The following SH2D6 variants were observed in gnomAD, a reference collection of about 807,000 sequenced individuals.
The protein encoded by SH2D6 is SH2 domain-containing protein 6.
SH2D6 carries 31 observed loss-of-function variants against 30.2 expected under a neutral mutation model. That is an observed-to-expected ratio of 1.03 (90% CI 0.77 to 1.38). The LOEUF is 1.38. Ranked by LOEUF, SH2D6 falls within the 40% of genes most tolerant of loss-of-function variation. The pLI is 0.00. For missense variants in SH2D6, 240 were observed against 266.8 expected (o/e 0.90, Z 0.70); for synonymous variants, 93 against 104.6 (o/e 0.89, Z 0.68).
chr2:85,433,014 ACT>A, intron 14 of SH2D6, 83 bp from the exon 15 acceptor site: 3 of 979,334 alleles, frequency 3.1e-6, no homozygotes, highest in African/African-American at 1.8e-5. Flanking sequence ...CCCTAAGGAG[ACT>A]CTGCTTTTTC....
At position 85,428,637 on chromosome 2, in the gene SH2D6, G is replaced by A. The variant is rs1482157812; in HGVS notation, c.-155G>A. On this transcript the variant is annotated 5_prime_UTR_variant, in exon 7 of 24. Transcript: ENST00000469800. ...AGCAGCCGTTTACAAGCCAAGAAGA[G>A]AGGCCGCATCACAAACCAACCTTTA... The A allele has an allele frequency of 6.6e-6, 1 of 152,188 alleles. No homozygotes were observed. The highest frequency in any genetic ancestry group is 1.5e-5 in the Non-Finnish European group (1 of 68,028). 9.4% of individuals were successfully genotyped at this position (152,188 alleles called of 1,614,324 possible). A position where few individuals can be genotyped will look rare whatever the true frequency, so the allele number is the denominator to read the frequency against.
rs1558765768 is a variant in SH2D6 at position 85,435,049 on chromosome 2, A to C, written c.590-16A>C. ...CCACCCCACCCCACCCCAGCTCAAT[A>C]ATCTGCTTCTTCTAGAAGGAAGGAA... On this transcript the variant is annotated splice_polypyrimidine_tract_variant and intron_variant, in intron 19 of 23. Transcript: ENST00000469800. 1 of 1,441,436 alleles carries C rather than the reference A, an allele frequency of 6.9e-7. No homozygotes were observed. The allele number at this position is 1,441,436 out of a possible 1,614,324, so 89.3% of individuals were successfully genotyped here.
rs1468383008 is a variant in SH2D6, at chr2:85,430,998, A to G, written c.251-212A>G. Among the ~76,000 whole-genome samples, 1 of 151,034 alleles carries G rather than the reference A, an allele frequency of 6.6e-6. No individual in the cohort carries two copies. Among genetic ancestry groups the G allele is most frequent in the Non-Finnish European group, 1.5e-5 (1 of 67,412 alleles). The stretch of plus-strand genomic sequence containing the variant: ...TGGGAGAGCCCCGGCTGCCGCTGGC[A>G]TCCCACCCCCACTGCTCAGCTCCTC... On this transcript the variant is annotated intron_variant, in intron 12 of 23. Coordinates refer to ENST00000469800, the MANE Select transcript of SH2D6 (RefSeq NM_001394463.1). The surrounding 1 kb of genome is among the most constrained non-coding windows in gnomAD (Gnocchi z 4.3).
chr2:85,433,994 G>A, intron 16 of SH2D6, 39 bp from the exon 17 acceptor site: 1 of 1,514,418 alleles, frequency 6.6e-7, no homozygotes, highest in Non-Finnish European at 9.0e-7. Context: ...TTCCCTGCCT[G>A]GTGCTCAGCC....
At chr2:85,423,128 T>C (rs1687803832) in intron 5 of SH2D6, among the ~76,000 whole-genome samples, 1 of 152,216 alleles carries the variant, frequency 6.6e-6, no homozygotes, top group Admixed American at 6.5e-5. Context: ...CCTCAGGTAA[T>C]CCGCCTGCCT....
chr2:85,423,392 C>T (rs1687822491), intron 5 of SH2D6, among the ~76,000 whole-genome samples: 3 of 151,682 alleles, frequency 2.0e-5, no homozygotes, highest in African/African-American at 7.3e-5. Context: ...CTATCACACC[C>T]GGTTAATTTT....
chr2:85,429,744 G>A lies in SH2D6; in HGVS notation c.29+132G>A, dbSNP rs149952148. ...CTCTCTGCCCAGGGAGACCATTCAC[G>A]CGCCTCCACTTCCTGTCAGCACTAG... On this transcript the variant is annotated intron_variant, in intron 9 of 23. Transcript: ENST00000469800. The A allele has an allele frequency of 3.0e-3, 463 of 152,796 alleles. 5 individuals are homozygous for A. Among genetic ancestry groups the A allele is most frequent in the Non-Finnish European group, 4.2e-3 (287 of 68,216 alleles). The allele number at this position is 152,796 out of a possible 1,614,324, so 9.5% of individuals were successfully genotyped here.
chr2:85,425,267 T>G (rs201194357), intron 5 of SH2D6, 41 bp from the exon 6 acceptor site: 1 of 147,040 alleles, frequency 6.8e-6, no homozygotes, highest in Non-Finnish European at 1.5e-5. Context: ...CTTTTTTTTT[T>G]TTTTTTTTTT....
rs1329643960 is a variant in SH2D6, at chr2:85,418,920, C to T, written c.-803C>T. 2 of 152,438 alleles carry T rather than the reference C, an allele frequency of 1.3e-5. No homozygotes were observed. The highest frequency in any genetic ancestry group is 1.3e-4 in the Admixed American group (2 of 15,290). 9.4% of individuals were successfully genotyped at this position (152,438 alleles called of 1,614,324 possible). A position where few individuals can be genotyped will look rare whatever the true frequency, so the allele number is the denominator to read the frequency against. ...CTGCGAACCTGAGCCCCGCCCTGCCCTCCCTACGAGGTTGGGGCCGTGGGA... is the reference window on the plus strand; with the variant it reads ...CTGCGAACCTGAGCCCCGCCCTGCCTTCCCTACGAGGTTGGGGCCGTGGGA... On this transcript the variant is annotated 5_prime_UTR_variant, in exon 1 of 24. Coordinates refer to ENST00000469800, the MANE Select transcript of SH2D6 (RefSeq NM_001394463.1).
intron 19 of SH2D6, 197 bp downstream of exon 19, chr2:85,434,694 A>T: frequency 1.5e-6 from 2 of 1,362,330 alleles, no homozygotes; most frequent in Non-Finnish European, 1.9e-6. Context: ...GGCCTGCCCC[A>T]GCCCCAGCCC....
rs772927017 is a variant in SH2D6, at chr2:85,435,690, A to C, written c.757A>C (p.Ser253Arg). 3 of 1,611,914 alleles carry C rather than the reference A, an allele frequency of 1.9e-6. No individual in the cohort carries two copies. Among genetic ancestry groups the C allele is most frequent in the Non-Finnish European group, 1.7e-6 (2 of 1,179,084 alleles). The change falls in exon 22 of 24, where the codon AGC becomes CGC. Residue 253 changes from serine to arginine, a missense_variant. Coordinates refer to ENST00000469800, the MANE Select transcript of SH2D6 (RefSeq NM_001394463.1). Reference protein sequence around the residue: ...QKDGAYTVRPSSGPHGSQPFT... With the variant: ...QKDGAYTVRPRSGPHGSQPFT... ...GGATGGGGCCTATACCGTGCGCCCC[A>C]GCTCAGGGCCTCATGGCTCCCAGCC...
intron 2 of SH2D6, among the ~76,000 whole-genome samples, chr2:85,420,026 G>A (rs1307709290): frequency 6.6e-6 from 1 of 152,124 alleles, no homozygotes; most frequent in East Asian, 1.9e-4. Context: ...GGAGAGATAG[G>A]TACCATAGAA....
At chr2:85,419,468 C>T (rs762532724) in intron 2 of SH2D6, among the ~76,000 whole-genome samples, 2 of 152,210 alleles carry the variant, frequency 1.3e-5, no homozygotes, top group African/African-American at 2.4e-5. Flanking sequence ...ATGAGCTGTG[C>T]TGAGGCCCTA....
chr2:85,434,733 T>G (rs1434638513), intron 19 of SH2D6: 1 of 1,438,218 alleles, frequency 7.0e-7, no homozygotes, highest in Non-Finnish European at 9.1e-7. Flanking sequence ...AGGCCCCAAG[T>G]TACTGAGGAT....
chr2:85,433,140 T>C lies in SH2D6; in HGVS notation c.393+19T>C. The C allele has an allele frequency of 1.0e-6, 1 of 985,802 alleles. No individual in the cohort carries two copies. The highest frequency in any genetic ancestry group is 4.7e-5 in the South Asian group (1 of 21,284). The allele number at this position is 985,802 out of a possible 1,614,324, so 61.1% of individuals were successfully genotyped here. ...CAGAGTGGTGAGCAGCCCCTCCATTTCCACCTCAGTTTCCAGGCTTCTGGT... is the reference window on the plus strand; with the variant it reads ...CAGAGTGGTGAGCAGCCCCTCCATTCCCACCTCAGTTTCCAGGCTTCTGGT... On this transcript the variant is annotated intron_variant, in intron 15 of 23. Transcript: ENST00000469800.
At chr2:85,436,667 C>A in intron 23 of SH2D6, 73 bp downstream of exon 23, 1 of 1,030,616 alleles carries the variant, frequency 9.7e-7, no homozygotes, top group Non-Finnish European at 1.5e-6. Flanking sequence ...TCTCCTTCCC[C>A]ACCCCTCCTC....
At chr2:85,428,973 A>C in intron 7 of SH2D6, among the ~76,000 whole-genome samples, 1 of 152,246 alleles carries the variant, frequency 6.6e-6, no homozygotes, top group East Asian at 1.9e-4. Context: ...CCATCAAAAA[A>C]TGAAGCTGCC....
rs1328320096 is a variant in SH2D6, at chr2:85,435,749, C to A, written c.816C>A (p.Val272=). The part of the protein sequence containing the change: ...FTLAVLLRGR[V]FNIPIRRLDG... The stretch of plus-strand genomic sequence containing the variant: ...TGGCAGTGCTTCTCCGAGGCCGGGT[C>A]TTCAACATTCCCATCCGGCGGCTGG... The change falls in exon 22 of 24, where the codon GTC becomes GTA. Residue 272 remains valine, a synonymous_variant. Transcript: ENST00000469800. 1.2e-6 allele frequency: 2 copies of A among 1,612,272 alleles called. No individual in the cohort carries two copies. The highest frequency in any genetic ancestry group is 1.7e-6 in the Non-Finnish European group (2 of 1,179,344).
At chr2:85,424,000 CCTT>C (rs1240679362) in intron 5 of SH2D6, among the ~76,000 whole-genome samples, 1 of 152,236 alleles carries the variant, frequency 6.6e-6, no homozygotes, top group Non-Finnish European at 1.5e-5. Flanking sequence ...CCTTGTGGGA[CCTT>C]CTTCTCCACA....
Sources: allele counts gnomAD v4.1 joint callset (sites outside exome capture counted in the v4.1 genomes callset), GRCh38; gene constraint gnomAD v4.1.1; non-coding constraint Gnocchi (gnomAD v3.1); transcripts MANE v1.5; gene names NCBI Gene and HGNC (gene_info 2026-07-23, HGNC 2026-07-21).